The following OR6V1 variants were observed in gnomAD, a reference collection of about 807,000 sequenced individuals.
OR6V1 encodes the protein olfactory receptor family 6 subfamily V member 1.
Under a neutral mutation model 13.2 loss-of-function variants are expected in OR6V1, and 10 were observed. The ratio of observed to expected loss-of-function variants is 0.76; its 90% CI spans 0.47 to 1.28. The LOEUF (loss-of-function observed/expected upper bound fraction) is 1.28. Among genes scored for constraint, OR6V1 ranks in the 50% most tolerant of loss-of-function variants. OR6V1 has a pLI of 0.00. For synonymous variants in OR6V1, 137 were observed against 154.2 expected (o/e 0.89, Z 0.83); for missense variants, 350 against 380.4 (o/e 0.92, Z 0.67).
Position 143,053,031 on chromosome 7 carries a change from A to G in OR6V1, c.691A>G (p.Ser231Gly), listed in dbSNP as rs775124817. The change falls in exon 1 of 1, where the codon AGC becomes GGC. Residue 231 changes from serine (S) to glycine (G), a missense_variant. Transcript: ENST00000418316. ...TTVLRIPSAS[S>G]CQKAFSTCGS... Reference sequence around the variant, plus strand: ...TGTGCTGCGGATCCCCTCTGCCAGCAGCTGCCAGAAGGCTTTCTCCACTTG... The same window carrying G: ...TGTGCTGCGGATCCCCTCTGCCAGCGGCTGCCAGAAGGCTTTCTCCACTTG... 4 of 1,613,856 alleles carry G rather than the reference A, an allele frequency of 2.5e-6. No individual in the cohort carries two copies. In the African/African-American group the frequency reaches 5.3e-5, roughly 22 times the overall value.
Position 143,053,000 on chromosome 7 carries a change from G to C in OR6V1, c.660G>C (p.Val220=). ...CCCTCATCTCCTATGGCTACATAGT[G>C]ACCACTGTGCTGCGGATCCCCTCTG... is the stretch of plus-strand genomic sequence containing the variant. ...LVTLISYGYI[V]TTVLRIPSAS... Residue 220 remains valine, a synonymous_variant, in exon 1 of 1, where the codon GTG becomes GTC. Transcript: ENST00000418316. 6.2e-7 allele frequency: 1 copy of C among 1,613,986 alleles called. No individual in the cohort carries two copies. The highest frequency in any genetic ancestry group is 8.5e-7 in the Non-Finnish European group (1 of 1,179,898).
At position 143,052,462 on chromosome 7, in the gene OR6V1, C is replaced by T. The variant is rs1229019936; in HGVS notation, c.122C>T (p.Thr41Ile). 1 of 1,613,922 alleles carries T rather than the reference C, an allele frequency of 6.2e-7. No individual in the cohort carries two copies. The highest frequency in any genetic ancestry group is 2.2e-5 in the East Asian group (1 of 44,858). The part of the protein sequence containing the change: ...MLYLLAFMGN[T>I]IIIVMVIADT... ...TATCTTCTCGCCTTCATGGGAAACA[C>T]CATCATCATAGTTATGGTCATAGCT... Residue 41 changes from threonine to isoleucine, a missense_variant, in exon 1 of 1, where the codon ACC (threonine) becomes ATC (isoleucine). By Grantham distance (89) the Thr-to-Ile change is moderately conservative (BLOSUM62 -1). Coordinates refer to ENST00000418316, the MANE Select transcript of OR6V1 (RefSeq NM_001001667.1).
At position 143,053,277 on chromosome 7, in the gene OR6V1, C is replaced by T. The variant is rs188874372; in HGVS notation, c.937C>T (p.Gln313Ter). The T allele has an allele frequency of 2.2e-3, 3,518 of 1,594,874 alleles. 5 individuals carry two copies. The highest frequency in any genetic ancestry group is 3.5e-3 in the Middle Eastern group (21 of 6,004). ...MQRLKGLCKA[Q>*] ...GAGGCTGAAAGGCCTTTGCAAGGCA[C>T]AATGATGAGCCCAGGGCCCAGGGGA... The change falls in exon 1 of 1, where the codon CAA becomes TAA. Residue 313 changes from glutamine (Q) to a stop codon, truncating the protein, a stop_gained. Transcript: ENST00000418316. LOFTEE classifies it high-confidence loss of function.
In OR6V1 at chr7:143,052,841, C is replaced by T. The variant is rs1490136671; in HGVS notation, c.501C>T (p.Cys167=). The change falls in exon 1 of 1, where the codon TGC becomes TGT. Residue 167 remains cysteine, a synonymous_variant. Coordinates refer to ENST00000418316, the MANE Select transcript of OR6V1 (RefSeq NM_001001667.1). ...TVLSRAHLDY[C]HGDVINHFFC... Reference sequence around the variant, plus strand: ...TCTCCCGAGCTCATCTTGATTACTGCCATGGCGACGTCATCAACCACTTCT... The same window carrying T: ...TCTCCCGAGCTCATCTTGATTACTGTCATGGCGACGTCATCAACCACTTCT... 40 of 1,614,002 alleles carry T rather than the reference C, an allele frequency of 2.5e-5. No homozygotes were observed. The highest frequency in any genetic ancestry group is 3.0e-5 in the Non-Finnish European group (35 of 1,179,866).
Position 143,052,432 on chromosome 7 carries a change from T to G in OR6V1, c.92T>G (p.Met31Arg), listed in dbSNP as rs199766060. 1 of 1,613,974 alleles carries G rather than the reference T, an allele frequency of 6.2e-7. No homozygotes were observed. Among genetic ancestry groups the G allele is most frequent in the Non-Finnish European group, 8.5e-7 (1 of 1,179,876 alleles). ...LQALLYGPFL[M>R]LYLLAFMGNT... The stretch of plus-strand genomic sequence containing the variant: ...GCCCTTCTGTATGGCCCCTTCCTCA[T>G]GCTTTATCTTCTCGCCTTCATGGGA... The change falls in exon 1 of 1, where the codon ATG becomes AGG. Residue 31 changes from methionine to arginine, a missense_variant. Coordinates refer to ENST00000418316, the MANE Select transcript of OR6V1 (RefSeq NM_001001667.1).
At position 143,053,148 on chromosome 7, in the gene OR6V1, A is replaced by T; in HGVS notation, c.808A>T (p.Lys270Ter). The change falls in exon 1 of 1, where the codon AAG becomes TAG. Residue 270 changes from lysine to a stop codon, truncating the protein, a stop_gained. Transcript: ENST00000418316. LOFTEE classifies it high-confidence loss of function. ...PGKAHSVQVR[K>*]VVALVTSVLT... ...CAAAGCTCACTCTGTGCAAGTCAGG[A>T]AGGTCGTGGCCTTGGTGACTTCAGT... 6.2e-7 allele frequency: 1 copy of T among 1,613,972 alleles called. No individual in the cohort carries two copies. The highest frequency in any genetic ancestry group is 1.6e-4 in the Middle Eastern group (1 of 6,062).
At position 143,052,448 on chromosome 7, in the gene OR6V1, C is replaced by T; in HGVS notation, c.108C>T (p.Ala36=). ...CCTTCCTCATGCTTTATCTTCTCGCCTTCATGGGAAACACCATCATCATAG... is the reference window on the plus strand; with the variant it reads ...CCTTCCTCATGCTTTATCTTCTCGCTTTCATGGGAAACACCATCATCATAG... The part of the protein sequence containing the change: ...YGPFLMLYLL[A]FMGNTIIIVM... The change falls in exon 1 of 1, where the codon GCC becomes GCT. Residue 36 remains alanine, a synonymous_variant. Coordinates refer to ENST00000418316, the MANE Select transcript of OR6V1 (RefSeq NM_001001667.1). The T allele has an allele frequency of 6.2e-7, 1 of 1,613,942 alleles. No individual in the cohort carries two copies. Among genetic ancestry groups the T allele is most frequent in the Non-Finnish European group, 8.5e-7 (1 of 1,179,846 alleles).
At position 143,052,622 on chromosome 7, in the gene OR6V1, C is replaced by G. The variant is rs773851234; in HGVS notation, c.282C>G (p.Gly94=). 4 of 1,614,048 alleles carry G rather than the reference C, an allele frequency of 2.5e-6. No homozygotes were observed. The highest frequency in any genetic ancestry group is 3.4e-6 in the Non-Finnish European group (4 of 1,179,896). The stretch of plus-strand genomic sequence containing the variant: ...CCCACAAAGTCATTACCTTCACTGG[C>G]TGCATGGTCCAGTTCTACTTCCACT... ...LVPHKVITFT[G]CMVQFYFHFS... The change falls in exon 1 of 1, where the codon GGC becomes GGG. Residue 94 remains glycine, a synonymous_variant. Coordinates refer to ENST00000418316, the MANE Select transcript of OR6V1 (RefSeq NM_001001667.1).
In OR6V1 at chr7:143,053,222, A is replaced by T; in HGVS notation, c.882A>T (p.Thr294=). 6.2e-7 allele frequency: 1 copy of T among 1,612,468 alleles called. No individual in the cohort carries two copies. Among genetic ancestry groups the T allele is most frequent in the Non-Finnish European group, 8.5e-7 (1 of 1,179,846 alleles). Residue 294 remains threonine, a synonymous_variant, in exon 1 of 1, where the codon ACA becomes ACT. Coordinates refer to ENST00000418316, the MANE Select transcript of OR6V1 (RefSeq NM_001001667.1). ...NPFILTFCNQ[T]VKTVLQGQMQ... is the part of the protein sequence containing the mutation. ...TTATCCTTACCTTCTGCAATCAGAC[A>T]GTTAAAACAGTGCTACAGGGGCAGA...
At position 143,052,593 on chromosome 7, in the gene OR6V1, G is replaced by A. The variant is rs1306576629; in HGVS notation, c.253G>A (p.Val85Ile). 1.2e-6 allele frequency: 2 copies of A among 1,613,962 alleles called. No homozygotes were observed. Among genetic ancestry groups the A allele is most frequent in the East Asian group, 2.2e-5 (1 of 44,888 alleles). The change falls in exon 1 of 1, where the codon GTC becomes ATC. Residue 85 changes from valine to isoleucine, a missense_variant. By Grantham distance (29) the Val-to-Ile change is conservative. Transcript: ENST00000418316. ...GCCCAGGATGCTCTCAGACCTGTTG[G>A]TCCCCCACAAAGTCATTACCTTCAC... The part of the protein sequence containing the change: ...AVPRMLSDLL[V>I]PHKVITFTGC...
chr7:143,052,976 C>G lies in OR6V1; in HGVS notation c.636C>G (p.Thr212=). 1 of 1,614,006 alleles carries G rather than the reference C, an allele frequency of 6.2e-7. No individual in the cohort carries two copies. Among genetic ancestry groups the G allele is most frequent in the Admixed American group, 1.7e-5 (1 of 60,030 alleles). ...LTFVLSSFLV[T]LISYGYIVTT... ...TTGTCCTCAGCTCCTTCCTGGTGAC[C>G]CTCATCTCCTATGGCTACATAGTGA... The change falls in exon 1 of 1, where the codon ACC becomes ACG. Residue 212 remains threonine, a synonymous_variant. Transcript: ENST00000418316.
rs746830605 is a variant in OR6V1, at chr7:143,052,363, C to T, written c.23C>T (p.Ser8Phe). Residue 8 changes from serine (S) to phenylalanine (F), a missense_variant, in exon 1 of 1, where the codon TCC (serine) becomes TTC (phenylalanine). Transcript: ENST00000418316. ...ATCATGGCAAATCTGAGCCAGCCCT[C>T]CGAATTTGTCCTCTTGGGCTTCTCC... MANLSQP[S>F]EFVLLGFSSF... 8.7e-6 allele frequency: 14 copies of T among 1,613,798 alleles called. No individual in the cohort carries two copies. In the East Asian group the frequency reaches 2.9e-4, roughly 33 times the overall value.
In OR6V1 at chr7:143,052,877, T is replaced by C; in HGVS notation, c.537T>C (p.Asn179=). 1 of 1,614,034 alleles carries C rather than the reference T, an allele frequency of 6.2e-7. No homozygotes were observed. The highest frequency in any genetic ancestry group is 8.5e-7 in the Non-Finnish European group (1 of 1,179,872). The change falls in exon 1 of 1, where the codon AAT becomes AAC. Residue 179 remains asparagine (N), a synonymous_variant. Transcript: ENST00000418316. ...GDVINHFFCD[N]EPLLQLSCSD... is the part of the protein sequence containing the mutation. ...TCATCAACCACTTCTTCTGTGACAA[T>C]GAACCTCTCCTGCAGTTGTCATGCT...
chr7:143,053,074 T>C lies in OR6V1; in HGVS notation c.734T>C (p.Leu245Pro), dbSNP rs1332613666. The C allele has an allele frequency of 1.9e-6, 3 of 1,613,890 alleles. No homozygotes were observed. In the African/African-American group the frequency reaches 4.0e-5, roughly 22 times the overall value. Reference sequence around the variant, plus strand: ...TCCACTTGCGGGTCTCACCTCACACTGGTCTTCATCGGCTACAGTAGTACC... The same window carrying C: ...TCCACTTGCGGGTCTCACCTCACACCGGTCTTCATCGGCTACAGTAGTACC... ...AFSTCGSHLT[L>P]VFIGYSSTIF... is the part of the protein sequence containing the mutation. The change falls in exon 1 of 1, where the codon CTG becomes CCG. Residue 245 changes from leucine (L) to proline (P), a missense_variant. Transcript: ENST00000418316.
Position 143,052,638 on chromosome 7 carries a change from T to C in OR6V1, c.298T>C (p.Tyr100His), listed in dbSNP as rs766593579. Residue 100 changes from tyrosine (Y) to histidine (H), a missense_variant, in exon 1 of 1, where the codon TAC becomes CAC. Coordinates refer to ENST00000418316, the MANE Select transcript of OR6V1 (RefSeq NM_001001667.1). ...CTTCACTGGCTGCATGGTCCAGTTC[T>C]ACTTCCACTTTTCCCTGGGGTCCAC... Reference protein sequence around the residue: ...ITFTGCMVQFYFHFSLGSTSF... With the variant: ...ITFTGCMVQFHFHFSLGSTSF... 2 of 1,613,950 alleles carry C rather than the reference T, an allele frequency of 1.2e-6. No individual in the cohort carries two copies. Among genetic ancestry groups the C allele is most frequent in the Non-Finnish European group, 1.7e-6 (2 of 1,179,910 alleles).
In OR6V1 at chr7:143,053,158, C is replaced by T. The variant is rs1362055947; in HGVS notation, c.818C>T (p.Ala273Val). ...AHSVQVRKVV[A>V]LVTSVLTPFL... is the part of the protein sequence containing the mutation. ...TCTGTGCAAGTCAGGAAGGTCGTGG[C>T]CTTGGTGACTTCAGTTCTCACCCCC... The change falls in exon 1 of 1, where the codon GCC (alanine) becomes GTC (valine). Residue 273 changes from alanine to valine, a missense_variant. Physicochemically the swap from Ala to Val is moderately conservative, Grantham distance 64. Coordinates refer to ENST00000418316, the MANE Select transcript of OR6V1 (RefSeq NM_001001667.1). The T allele has an allele frequency of 6.2e-7, 1 of 1,613,976 alleles. No homozygotes were observed. The highest frequency in any genetic ancestry group is 8.5e-7 in the Non-Finnish European group (1 of 1,179,866).
chr7:143,052,667 C>G lies in OR6V1; in HGVS notation c.327C>G (p.Ser109=). The G allele has an allele frequency of 6.2e-7, 1 of 1,614,042 alleles. No individual in the cohort carries two copies. The highest frequency in any genetic ancestry group is 1.1e-5 in the South Asian group (1 of 91,086). The change falls in exon 1 of 1, where the codon TCC becomes TCG. Residue 109 remains serine, a synonymous_variant. Coordinates refer to ENST00000418316, the MANE Select transcript of OR6V1 (RefSeq NM_001001667.1). ...FYFHFSLGST[S]FLILTDMALD... is the part of the protein sequence containing the mutation. ...TCCACTTTTCCCTGGGGTCCACCTC[C>G]TTCCTCATCCTGACAGACATGGCCC... is the stretch of plus-strand genomic sequence containing the variant.
chr7:143,053,074 TG>T lies in OR6V1; in HGVS notation c.736del (p.Val246SerfsTer30). The T allele has an allele frequency of 1.2e-6, 2 of 1,614,008 alleles. No individual in the cohort carries two copies. The highest frequency in any genetic ancestry group is 1.7e-6 in the Non-Finnish European group (2 of 1,179,886). Reference protein sequence around the residue: ...AFSTCGSHLTLVFIGYSSTIF... With the variant: ...AFSTCGSHLTXVFIGYSSTIF... ...TCCACTTGCGGGTCTCACCTCACAC[TG>T]GTCTTCATCGGCTACAGTAGTACCA... On this transcript the variant is annotated frameshift_variant, in exon 1 of 1. Coordinates refer to ENST00000418316, the MANE Select transcript of OR6V1 (RefSeq NM_001001667.1). LOFTEE classifies it high-confidence loss of function.
rs766206238 is a variant in OR6V1 at position 143,052,776 on chromosome 7, G to T, written c.436G>T (p.Ala146Ser). 2.5e-6 allele frequency: 4 copies of T among 1,614,022 alleles called. No individual in the cohort carries two copies. The South Asian group carries it at 3.3e-5, about 13-fold the overall frequency. ...RAMCVQLAGAAWAAPFLAMVP... is the reference protein window; with the variant it reads ...RAMCVQLAGASWAAPFLAMVP... ...TATGTGTGTCCAGCTGGCTGGGGCT[G>T]CCTGGGCAGCTCCTTTCCTAGCCAT... is the stretch of plus-strand genomic sequence containing the variant. Residue 146 changes from alanine to serine, a missense_variant, in exon 1 of 1, where the codon GCC becomes TCC. Physicochemically the swap from Ala to Ser is moderately conservative, Grantham distance 99 (BLOSUM62 1). Transcript: ENST00000418316.
Sources: gnomAD v4.1 joint callset for allele counts on GRCh38, gnomAD v4.1.1 for gene constraint, MANE v1.5 for transcripts, NCBI Gene and HGNC (gene_info 2026-07-23, HGNC 2026-07-21) for gene names.